Variants in CADM2 observed in about 807,000 individuals in gnomAD.
The protein encoded by CADM2 is cell adhesion molecule 2, also known as immunoglobulin superfamily member 4D.
CADM2 carries 12 observed loss-of-function variants against 49.8 expected under a neutral mutation model. That is an observed-to-expected ratio of 0.24 (90% confidence interval 0.15 to 0.39). The LOEUF is 0.39. Among genes scored for constraint, CADM2 ranks in the 10% least tolerant of loss-of-function variants. CADM2 has a pLI of 1.00. For synonymous variants in CADM2, 214 were observed against 175.4 expected, an observed-to-expected ratio of 1.22 and a Z score of -1.74; for missense variants, 378 against 492.3, an observed-to-expected ratio of 0.77 and a Z score of 2.20.
At chr3:85,241,882 C>G (rs1307741614) in intron 1 of CADM2, among the ~76,000 whole-genome samples, 6 of 151,482 alleles carry the variant, frequency 4.0e-5, no homozygotes. Flanking sequence ...GCAGAGCTAA[C>G]ATATAATAAA....
At chr3:85,292,050 T>A (rs13064904) in intron 1 of CADM2, among the ~76,000 whole-genome samples, 1 of 150,572 alleles carries the variant, frequency 6.6e-6, no homozygotes, top group African/African-American at 2.4e-5. Flanking sequence ...ACCCATCTCA[T>A]GTGCAGAGAC....
Position 85,911,562 on chromosome 3 carries a change from A to T in CADM2, c.530-811A>T, listed in dbSNP as rs1390601969. ...AGATGGCTGTGCTCCTTTTCTTTCC[A>T]AAGATGACAACTTTCTCATCCTAAG... On this transcript the variant is annotated intron_variant, in intron 5 of 9. Coordinates refer to ENST00000383699, the MANE Select transcript of CADM2 (RefSeq NM_001167675.2). 3.3e-5 allele frequency among the ~76,000 whole-genome samples: 5 copies of T among 152,346 alleles called. No individual in the cohort carries two copies. The South Asian group carries it at 1.0e-3, about 32-fold the overall frequency.
At chr3:85,956,758 A>G (rs1480405990) in intron 7 of CADM2, among the ~76,000 whole-genome samples, 1 of 151,358 alleles carries the variant, frequency 6.6e-6, no homozygotes, top group Non-Finnish European at 1.5e-5. Context: ...AAAAAGACAT[A>G]TCTGAATTTA....
At chr3:85,585,591 T>TAC (rs2062920661) in intron 1 of CADM2, among the ~76,000 whole-genome samples, 1 of 151,970 alleles carries the variant, frequency 6.6e-6, no homozygotes, top group Non-Finnish European at 1.5e-5. Flanking sequence ...TATCTGCACT[T>TAC]TTAGGCATCC....
intron 1 of CADM2, among the ~76,000 whole-genome samples, chr3:85,086,597 C>T (rs542673782): frequency 6.6e-6 from 1 of 150,386 alleles, no homozygotes; most frequent in Non-Finnish European, 1.5e-5. Context: ...CGGCAGCCTC[C>T]ACATCTCGGG....
At chr3:85,234,679 T>C (rs933114578) in intron 1 of CADM2, among the ~76,000 whole-genome samples, 3 of 152,182 alleles carry the variant, frequency 2.0e-5, no homozygotes, top group Admixed American at 2.0e-4. Context: ...TGGTCAGTGA[T>C]GATGATTCAT....
chr3:85,467,896 T>C (rs917436210), intron 1 of CADM2, among the ~76,000 whole-genome samples: 2 of 152,022 alleles, frequency 1.3e-5, no homozygotes, highest in African/African-American at 4.8e-5. Context: ...AGGCAGCGCC[T>C]GTAATCCCAG....
intron 1 of CADM2, among the ~76,000 whole-genome samples, chr3:85,355,823 G>A (rs994134841): frequency 6.6e-6 from 1 of 152,036 alleles, no homozygotes; most frequent in East Asian, 1.9e-4. Flanking sequence ...GAATAAAGGA[G>A]GGGAAGAAGA....
chr3:85,459,565 T>G (rs1201547660), intron 1 of CADM2, among the ~76,000 whole-genome samples: 1 of 152,206 alleles, frequency 6.6e-6, no homozygotes, highest in Non-Finnish European at 1.5e-5. Context: ...AATATCAAAT[T>G]AGTGTGACCC....
intron 1 of CADM2, among the ~76,000 whole-genome samples, chr3:85,280,308 C>T (rs547017536): frequency 5.7e-4 from 87 of 151,520 alleles, no homozygotes; most frequent in African/African-American, 2.0e-3. Flanking sequence ...TTGTCATATA[C>T]GGTGTACTTG....
At chr3:85,414,241 T>C (rs901232790) in intron 1 of CADM2, among the ~76,000 whole-genome samples, 3 of 152,186 alleles carry the variant, frequency 2.0e-5, no homozygotes, top group Admixed American at 6.5e-5. Flanking sequence ...CTCTTCTGTT[T>C]ATAATTCCTC....
chr3:85,964,010 G>A (rs192827311), intron 8 of CADM2, among the ~76,000 whole-genome samples: 43 of 151,880 alleles, frequency 2.8e-4, no homozygotes, highest in African/African-American at 9.6e-4. Context: ...TAAAAGGGGC[G>A]CCAATTGGGT....
chr3:85,638,305 A>C (rs2064582894), intron 1 of CADM2, among the ~76,000 whole-genome samples: 1 of 152,174 alleles, frequency 6.6e-6, no homozygotes, highest in Admixed American at 6.5e-5. Flanking sequence ...AAAGTTGTTT[A>C]ATTCTGGACA....
chr3:85,724,530 A>G (rs982077662), intron 1 of CADM2, among the ~76,000 whole-genome samples: 2 of 151,992 alleles, frequency 1.3e-5, no homozygotes, highest in African/African-American at 4.8e-5. Flanking sequence ...ATAATACAAA[A>G]TAGTTCCATA....
intron 1 of CADM2, among the ~76,000 whole-genome samples, chr3:85,720,900 C>T (rs1392260368): frequency 2.6e-5 from 4 of 152,142 alleles, no homozygotes; most frequent in African/African-American, 4.8e-5. Flanking sequence ...AGAATTTCCC[C>T]TTTTCAAATC....
At chr3:86,042,337 C>A (rs1736055027) in intron 8 of CADM2, among the ~76,000 whole-genome samples, 1 of 151,698 alleles carries the variant, frequency 6.6e-6, no homozygotes, top group Non-Finnish European at 1.5e-5. Context: ...ACTAGCAAGA[C>A]TAATAAAGAA....
rs139887883 is a variant in CADM2, at chr3:85,598,176, T to G, written c.62-128346T>G. On this transcript the variant is annotated intron_variant, in intron 1 of 9. Transcript: ENST00000383699. ...TGCTAACTAAAAAATAAAATAAAAA[T>G]AAAAAACACAAGATCATCATTTTTG... Among the ~76,000 whole-genome samples, 4 of 151,944 alleles carry G rather than the reference T, an allele frequency of 2.6e-5. No homozygotes were observed. The East Asian group carries it at 7.8e-4, about 30-fold the overall frequency.
chr3:85,034,979 T>A (rs2035152466), intron 1 of CADM2, among the ~76,000 whole-genome samples: 1 of 151,700 alleles, frequency 6.6e-6, no homozygotes, highest in African/African-American at 2.4e-5. Flanking sequence ...ATTTTTGTAT[T>A]TTTAGTAGAG....
At chr3:85,530,898 ACACACACACACACAC>A (rs2061292798) in intron 1 of CADM2, among the ~76,000 whole-genome samples, 1 of 150,450 alleles carries the variant, frequency 6.6e-6, no homozygotes, top group African/African-American at 2.5e-5. Context: ...ACACACACAC[ACACACACACACACAC>A]AAAATTCATT....
Sources: allele counts gnomAD v4.1 joint callset (sites outside exome capture counted in the v4.1 genomes callset), GRCh38; gene constraint gnomAD v4.1.1; transcripts MANE v1.5; gene names NCBI Gene and HGNC (gene_info 2026-07-23, HGNC 2026-07-21).